MALRD1: variants seen among roughly 807,000 people sequenced by gnomAD.
MALRD1 encodes the protein MAM and LDL-receptor class A domain-containing protein 1.
A neutral mutation model predicts 242.1 loss-of-function variants in MALRD1; 247 were observed. The ratio of observed to expected loss-of-function variants is 1.02; its 90% confidence interval spans 0.92 to 1.13. The LOEUF (loss-of-function observed/expected upper bound fraction) is 1.13, where lower values mean the gene tolerates loss of function less well. MALRD1 is among the 50% of genes most tolerant of loss of function. The probability of loss-of-function intolerance (pLI) is 0.00; values close to 1 mark genes in which losing one functional copy is unlikely to be tolerated. For missense variants in MALRD1, 2,989 were observed against 2,533.1 expected (o/e 1.18, Z -3.86); for synonymous variants, 995 against 866.6 (o/e 1.15, Z -2.60).
chr10:19,584,734 A>G (rs903723725), intron 33 of MALRD1, among the ~76,000 whole-genome samples: 4 of 152,012 alleles, frequency 2.6e-5, no homozygotes, highest in Non-Finnish European at 4.4e-5. Context: ...GTAGATGTCT[A>G]TTAGGTCCAC....
intron 5 of MALRD1, among the ~76,000 whole-genome samples, chr10:19,111,677 A>G (rs1836684745): frequency 6.6e-6 from 1 of 152,236 alleles, no homozygotes; most frequent in South Asian, 2.1e-4. Flanking sequence ...TTTATGGGGC[A>G]TTGCAAACAA....
At chr10:19,235,462 G>A (rs569385711) in intron 18 of MALRD1, among the ~76,000 whole-genome samples, 6 of 120,314 alleles carry the variant, frequency 5.0e-5, no homozygotes, top group South Asian at 2.3e-4. Flanking sequence ...TTTTTTAATC[G>A]GGTTATTTTT....
chr10:19,163,137 T>TGAAAAAAAAAA (rs1491309752), intron 12 of MALRD1, among the ~76,000 whole-genome samples: 3 of 43,854 alleles, frequency 6.8e-5, no homozygotes, highest in Admixed American at 3.5e-4. Flanking sequence ...AAACCCTGTC[T>TGAAAAAAAAAA]AAAAAAAAAA....
At chr10:19,355,041 C>CT (rs1844561152) in intron 26 of MALRD1, among the ~76,000 whole-genome samples, 1 of 152,054 alleles carries the variant, frequency 6.6e-6, no homozygotes, top group Non-Finnish European at 1.5e-5. Context: ...ACTTAGAGCT[C>CT]ATAGGAGGGA....
At chr10:19,193,439 C>G (rs1377319856) in intron 14 of MALRD1, among the ~76,000 whole-genome samples, 1 of 152,070 alleles carries the variant, frequency 6.6e-6, no homozygotes, top group African/African-American at 2.4e-5. Flanking sequence ...GCCTGTAGTC[C>G]CAGCTACTCA....
chr10:19,538,561 C>T (rs903619687), intron 32 of MALRD1, among the ~76,000 whole-genome samples: 9 of 152,226 alleles, frequency 5.9e-5, no homozygotes, highest in African/African-American at 2.2e-4. Flanking sequence ...TATTTAATTA[C>T]AGCTATTCAG....
chr10:19,567,566 CG>C lies in MALRD1; in HGVS notation c.5546del (p.Gly1849AspfsTer43), dbSNP rs1836311700. The C allele has an allele frequency of 1.2e-5, 19 of 1,550,238 alleles. No homozygotes were observed. The highest frequency in any genetic ancestry group is 1.7e-5 in the Non-Finnish European group (19 of 1,146,942). On this transcript the variant is annotated frameshift_variant, in exon 33 of 40. Transcript: ENST00000454679. LOFTEE classifies it high-confidence loss of function. ...LVWSVIGNKR[T>X]GWTYGSVPLS... ...TGGTCAGTGATTGGAAATAAAAGAA[CG>C]GGATGGACATATGGCTCTGTGCCTC...
At chr10:19,384,522 T>C (rs1272484461) in intron 26 of MALRD1, among the ~76,000 whole-genome samples, 9 of 118,550 alleles carry the variant, frequency 7.6e-5, no homozygotes, top group African/African-American at 3.0e-4. Flanking sequence ...ATATATTATA[T>C]AGTGTATATA....
At chr10:19,658,730 C>T (rs1256450085) in intron 36 of MALRD1, among the ~76,000 whole-genome samples, 1 of 152,152 alleles carries the variant, frequency 6.6e-6, no homozygotes. Flanking sequence ...ATTTCTATTA[C>T]TCTCTCCTAT....
intron 14 of MALRD1, among the ~76,000 whole-genome samples, chr10:19,193,554 A>C (rs546251508): frequency 2.0e-3 from 298 of 152,252 alleles, no homozygotes; most frequent in African/African-American, 7.0e-3. Context: ...ACCCCATCTC[A>C]AAAAAACAAA....
At chr10:19,458,617 T>A (rs1030807584) in intron 29 of MALRD1, among the ~76,000 whole-genome samples, 1 of 152,174 alleles carries the variant, frequency 6.6e-6, no homozygotes, top group Admixed American at 6.5e-5. Flanking sequence ...CCCGCATGTT[T>A]CCCTTTTAGT....
chr10:19,682,546 C>T (rs995150270), intron 36 of MALRD1, among the ~76,000 whole-genome samples: 1 of 152,132 alleles, frequency 6.6e-6, no homozygotes, highest in Non-Finnish European at 1.5e-5. Flanking sequence ...TTCAGGTGGG[C>T]TCTGCCTAAT....
At chr10:19,572,176 C>A (rs765781443) in intron 33 of MALRD1, among the ~76,000 whole-genome samples, 2 of 152,130 alleles carry the variant, frequency 1.3e-5, no homozygotes, top group Non-Finnish European at 2.9e-5. Context: ...TTTCCCAGGG[C>A]AACATTTTGT....
At chr10:19,509,139 A>T (rs1175106130) in intron 31 of MALRD1, among the ~76,000 whole-genome samples, 2 of 152,204 alleles carry the variant, frequency 1.3e-5, no homozygotes, top group African/African-American at 4.8e-5. Context: ...AAACATTATT[A>T]AAAGAAGAAT....
At chr10:19,600,939 C>T (rs1564474395) in intron 34 of MALRD1, among the ~76,000 whole-genome samples, 1 of 152,030 alleles carries the variant, frequency 6.6e-6, no homozygotes, top group Admixed American at 6.6e-5. Flanking sequence ...GGTTGGAGTA[C>T]AGTGGCACAG....
intron 19 of MALRD1, among the ~76,000 whole-genome samples, chr10:19,259,078 T>A (rs1268683985): frequency 6.6e-6 from 1 of 152,202 alleles, no homozygotes; most frequent in Non-Finnish European, 1.5e-5. Context: ...TTGAGAGCTA[T>A]ATTCTGAAAA....
chr10:19,182,532 G>T (rs1426914970), intron 14 of MALRD1, among the ~76,000 whole-genome samples: 2 of 151,316 alleles, frequency 1.3e-5, no homozygotes, highest in African/African-American at 4.9e-5. Context: ...GGGTTTCACC[G>T]TGTTAGCCAG....
At chr10:19,590,661 T>C (rs1837728698) in intron 33 of MALRD1, among the ~76,000 whole-genome samples, 1 of 152,148 alleles carries the variant, frequency 6.6e-6, no homozygotes. Flanking sequence ...ACCACCGGTA[T>C]TTTATTTTAT....
At chr10:19,306,061 C>CTATACTATATATACTATATACTATA (rs1554829366) in intron 21 of MALRD1, among the ~76,000 whole-genome samples, 3,591 of 98,004 alleles carry the variant, frequency 0.037, 192 homozygotes, top group African/African-American at 0.094. Context: ...ATTTATTATA[C>CTATACTATATATACTATATACTATA]TATACTATAT....
Sources: allele counts gnomAD v4.1 joint callset (sites outside exome capture counted in the v4.1 genomes callset), GRCh38; gene constraint gnomAD v4.1.1; transcripts MANE v1.5; gene names NCBI Gene and HGNC (gene_info 2026-07-23, HGNC 2026-07-21).